Variants in PDE8B observed in about 807,000 individuals in gnomAD.
The protein encoded by PDE8B is phosphodiesterase 8B.
Under a neutral mutation model 101.3 loss-of-function variants are expected in PDE8B, and 26 were observed. The observed-to-expected ratio is 0.26, with a 90% CI of 0.19 to 0.36. The LOEUF is 0.36. PDE8B is among the 10% of genes least tolerant of loss of function. The pLI is 1.00. For synonymous variants in PDE8B, 424 were observed against 429.3 expected (o/e 0.99, Z 0.15); for missense variants, 810 against 1,163.1 (o/e 0.70, Z 4.42).
At chr5:77,402,985 C>T (rs189418152) in intron 11 of PDE8B, among the ~76,000 whole-genome samples, 149 of 152,252 alleles carry the variant, frequency 9.8e-4, no homozygotes, top group African/African-American at 3.5e-3. Context: ...ATCTGAGAAG[C>T]GCATTCTTCC....
intron 11 of PDE8B, among the ~76,000 whole-genome samples, chr5:77,402,284 T>C (rs1792447806): frequency 6.6e-6 from 1 of 151,860 alleles, no homozygotes; most frequent in African/African-American, 2.4e-5. Context: ...GAAACTTATA[T>C]GCAAGGATAG....
intron 1 of PDE8B, among the ~76,000 whole-genome samples, chr5:77,213,356 A>G (rs2149385056): frequency 7.0e-6 from 1 of 143,026 alleles, no homozygotes; most frequent in Admixed American, 6.9e-5. Context: ...CAGAAAGTAT[A>G]TATTTGAAGT....
At chr5:77,415,755 C>T (rs1795405839) in intron 17 of PDE8B, among the ~76,000 whole-genome samples, 2 of 152,222 alleles carry the variant, frequency 1.3e-5, no homozygotes, top group African/African-American at 4.8e-5. Context: ...TGGTGACAGA[C>T]CCCATCCTCT....
At chr5:77,171,860 T>C in the PDE8B span, among the ~76,000 whole-genome samples, 3 of 152,124 alleles carry the variant, frequency 2.0e-5, no homozygotes, top group Non-Finnish European at 4.4e-5. Flanking sequence ...CCTGACTGAC[T>C]GGAAGCCAGA....
chr5:77,149,445 ATT>A, the PDE8B span, among the ~76,000 whole-genome samples: 1 of 152,188 alleles, frequency 6.6e-6, no homozygotes, highest in African/African-American at 2.4e-5. Flanking sequence ...CTATAGATCT[ATT>A]TGAGGGGGGA....
chr5:77,387,141 T>C (rs1342238441), intron 10 of PDE8B, among the ~76,000 whole-genome samples: 1 of 152,162 alleles, frequency 6.6e-6, no homozygotes, highest in Middle Eastern at 3.4e-3. Flanking sequence ...CCTCGGCCGA[T>C]GTAGTTTCTT....
chr5:77,144,542 T>C, the PDE8B span: 10 of 152,072 alleles, frequency 6.6e-5, no homozygotes, highest in East Asian at 1.9e-3. Flanking sequence ...CTTGGTTATA[T>C]AGGAAATGTT....
rs887957322 is a variant in PDE8B, at chr5:77,325,844, T to C, written c.590+115T>C. 4 of 778,894 alleles carry C rather than the reference T, an allele frequency of 5.1e-6. No homozygotes were observed. The African/African-American group carries it at 5.2e-5, about 10-fold the overall frequency. 48.2% of individuals were successfully genotyped at this position (778,894 alleles called of 1,614,324 possible). On this transcript the variant is annotated intron_variant, in intron 3 of 21. Coordinates refer to ENST00000264917, the MANE Select transcript of PDE8B (RefSeq NM_003719.5). ...TATTTTTAAAATATGCGTTGATGTT[T>C]TTAAGCAGTGTATACAGATGTCTGT...
Position 77,258,516 on chromosome 5 carries a change from C to T in PDE8B, c.339+47252C>T, listed in dbSNP as rs188597336. 1.5e-3 allele frequency among the ~76,000 whole-genome samples: 224 copies of T among 152,230 alleles called. 1 individual carries two copies. The highest frequency in any genetic ancestry group is 2.4e-3 in the Non-Finnish European group (166 of 68,006). ...AATCATTAGCTGTATCTTAGAATTT[C>T]TCCACAGCCTAAAACTGAAAACAGT... On this transcript the variant is annotated intron_variant, in intron 1 of 21. Transcript: ENST00000264917.
intron 1 of PDE8B, chr5:77,291,664 G>T (rs1767376292): frequency 6.3e-7 from 1 of 1,596,402 alleles, no homozygotes; most frequent in South Asian, 1.1e-5. Context: ...GAGATTGGAG[G>T]TGCCTTTGGA....
At position 77,428,210 on chromosome 5, in the gene PDE8B, G is replaced by T. The variant is rs1457200065; in HGVS notation, c.*1656G>T. The T allele has an allele frequency of 1.3e-5, 2 of 152,136 alleles. No individual in the cohort carries two copies. Among genetic ancestry groups the T allele is most frequent in the African/African-American group, 4.8e-5 (2 of 41,432 alleles). The allele number at this position is 152,136 out of a possible 1,614,324, so 9.4% of individuals were successfully genotyped here. ...CTACAGCCATTTTTCACTCCCAACA[G>T]CTGTTTTTATTTTACCTCTTTGGCC... is the stretch of plus-strand genomic sequence containing the variant. On this transcript the variant is annotated 3_prime_UTR_variant, in exon 22 of 22. Coordinates refer to ENST00000264917, the MANE Select transcript of PDE8B (RefSeq NM_003719.5).
chr5:77,283,150 A>T (rs186822670), intron 1 of PDE8B, among the ~76,000 whole-genome samples: 3,245 of 152,222 alleles, frequency 0.021, 52 homozygotes, highest in Middle Eastern at 0.037. Context: ...TTTCTTTTTT[A>T]AAAAAATAGA....
chr5:77,096,138 C>G, the PDE8B span, among the ~76,000 whole-genome samples: 1 of 152,094 alleles, frequency 6.6e-6, no homozygotes, highest in Non-Finnish European at 1.5e-5. Context: ...TACAGGCGCA[C>G]GCTACCACAC....
In PDE8B at chr5:77,281,676, C is replaced by A. The variant is rs79664272; in HGVS notation, c.340-30318C>A. 2.0e-3 allele frequency among the ~76,000 whole-genome samples: 309 copies of A among 152,338 alleles called. 1 individual carries two copies. The highest frequency in any genetic ancestry group is 7.0e-3 in the African/African-American group (291 of 41,574). On this transcript the variant is annotated intron_variant, in intron 1 of 21. Coordinates refer to ENST00000264917, the MANE Select transcript of PDE8B (RefSeq NM_003719.5). Reference sequence around the variant, plus strand: ...CCCCACCCCAGTAATCCAAAATGATCTTTCCACCTTAAGGTTCTTAACACA... The same window carrying A: ...CCCCACCCCAGTAATCCAAAATGATATTTCCACCTTAAGGTTCTTAACACA...
chr5:77,350,027 C>G (rs534346196), intron 8 of PDE8B, among the ~76,000 whole-genome samples: 2 of 152,150 alleles, frequency 1.3e-5, no homozygotes, highest in Non-Finnish European at 2.9e-5. Context: ...ACCTGTTCCT[C>G]CAGTGGCTTC....
upstream of PDE8B, among the ~76,000 whole-genome samples, chr5:77,208,100 T>C (rs1175188212): frequency 6.6e-6 from 1 of 152,248 alleles, no homozygotes; most frequent in Non-Finnish European, 1.5e-5. Context: ...TCTTATTTTT[T>C]AATGTAGAAA....
At chr5:77,381,154 A>C (rs551776466) in intron 10 of PDE8B, among the ~76,000 whole-genome samples, 1 of 152,340 alleles carries the variant, frequency 6.6e-6, no homozygotes, top group East Asian at 1.9e-4. Context: ...ATTGACCCTA[A>C]GACCAACGGG....
the PDE8B span, among the ~76,000 whole-genome samples, chr5:77,098,091 A>C: frequency 6.6e-6 from 1 of 152,018 alleles, no homozygotes; most frequent in Non-Finnish European, 1.5e-5. Flanking sequence ...AAGCAGGTCT[A>C]AGGGAGCAAG....
At chr5:77,359,967 TGTAATCCCAGCTACTTG>T (rs1256533758) in intron 10 of PDE8B, among the ~76,000 whole-genome samples, 1 of 151,772 alleles carries the variant, frequency 6.6e-6, no homozygotes, top group Non-Finnish European at 1.5e-5. Context: ...GTGGTGCACC[TGTAATCCCAGCTACTTG>T]GGAGGCTGAG....
Sources: allele counts gnomAD v4.1 joint callset (sites outside exome capture counted in the v4.1 genomes callset), GRCh38; gene constraint gnomAD v4.1.1; transcripts MANE v1.5; gene names NCBI Gene and HGNC (gene_info 2026-07-23, HGNC 2026-07-21).